DPP6: variants seen among roughly 807,000 people sequenced by gnomAD.
DPP6 encodes dipeptidyl peptidase like 6.
DPP6 carries 69 observed loss-of-function variants against 122.6 expected under a neutral mutation model. The ratio of observed to expected loss-of-function variants is 0.56; its 90% CI spans 0.46 to 0.69. The LOEUF is 0.69. DPP6 is among the 30% of genes least tolerant of loss of function. The pLI is 0.00. For missense variants in DPP6, 928 were observed against 1,116.9 expected, an observed-to-expected ratio of 0.83 and a Z score of 2.41; for synonymous variants, 418 against 433.1, an observed-to-expected ratio of 0.97 and a Z score of 0.43.
At chr7:153,929,945 A>T (rs927966734) in intron 1 of DPP6, among the ~76,000 whole-genome samples, 10 of 152,246 alleles carry the variant, frequency 6.6e-5, no homozygotes, top group Non-Finnish European at 1.5e-5. Context: ...AGAGCACAGC[A>T]TGATGCAGAT....
At chr7:153,968,343 C>T (rs1224798491) in intron 1 of DPP6, among the ~76,000 whole-genome samples, 1 of 151,996 alleles carries the variant, frequency 6.6e-6, no homozygotes, top group Non-Finnish European at 1.5e-5. Flanking sequence ...TTGTTGGCTG[C>T]TTGTATGTCT....
intron 1 of DPP6, among the ~76,000 whole-genome samples, chr7:154,284,864 C>A (rs992641380): frequency 6.6e-6 from 1 of 152,030 alleles, no homozygotes; most frequent in African/African-American, 2.4e-5. Flanking sequence ...CAAAACAAAA[C>A]AAAACAAAAC....
intron 1 of DPP6, among the ~76,000 whole-genome samples, chr7:154,392,415 A>G (rs1294578336): frequency 6.6e-6 from 1 of 152,214 alleles, no homozygotes. Context: ...CACTTTAAGA[A>G]GAAGTACATG....
intron 7 of DPP6, among the ~76,000 whole-genome samples, chr7:154,725,757 T>C (rs1168385953): frequency 6.6e-6 from 1 of 152,212 alleles, no homozygotes; most frequent in Non-Finnish European, 1.5e-5. Flanking sequence ...CATTCCAGCA[T>C]TAACCCAAAA....
At chr7:154,221,855 T>C (rs1215444697) in intron 1 of DPP6, among the ~76,000 whole-genome samples, 2 of 152,158 alleles carry the variant, frequency 1.3e-5, no homozygotes, top group African/African-American at 4.8e-5. Flanking sequence ...AGTTGTATGA[T>C]AGCACCCCCA....
chr7:154,715,791 ATC>A (rs1841452070), intron 7 of DPP6, among the ~76,000 whole-genome samples: 1 of 152,178 alleles, frequency 6.6e-6, no homozygotes, highest in African/African-American at 2.4e-5. Context: ...TGAACCTGCC[ATC>A]TCTGTCTCCT....
At chr7:154,131,153 G>A (rs1314677105) in intron 1 of DPP6, among the ~76,000 whole-genome samples, 7 of 152,090 alleles carry the variant, frequency 4.6e-5, no homozygotes, top group Admixed American at 3.3e-4. Flanking sequence ...CATTAAGTAG[G>A]GGAAAGATGA....
the DPP6 span, among the ~76,000 whole-genome samples, chr7:153,767,949 C>T: frequency 6.6e-6 from 1 of 152,056 alleles, no homozygotes; most frequent in Non-Finnish European, 1.5e-5. Flanking sequence ...AAAATTGAGA[C>T]AAGCATGAGG....
intron 1 of DPP6, among the ~76,000 whole-genome samples, chr7:153,915,527 C>T (rs755353210): frequency 4.6e-5 from 7 of 152,074 alleles, no homozygotes; most frequent in African/African-American, 9.7e-5. Context: ...TTTCTAACAC[C>T]GAAGTGAAAT....
At chr7:154,699,811 G>T (rs1179350374) in intron 7 of DPP6, among the ~76,000 whole-genome samples, 1 of 152,162 alleles carries the variant, frequency 6.6e-6, no homozygotes, top group East Asian at 1.9e-4. Flanking sequence ...CTTGGGTCAG[G>T]GCTGGCTTCT....
At chr7:154,650,522 C>T (rs1482490861) in intron 6 of DPP6, among the ~76,000 whole-genome samples, 2 of 152,260 alleles carry the variant, frequency 1.3e-5, no homozygotes, top group East Asian at 3.9e-4. Flanking sequence ...AGAAGATAAG[C>T]CATGGTGTTT....
chr7:153,776,178 C>T, the DPP6 span, among the ~76,000 whole-genome samples: 1 of 152,104 alleles, frequency 6.6e-6, no homozygotes, highest in Non-Finnish European at 1.5e-5. Flanking sequence ...TTTATAACCA[C>T]AGCAATCAAC....
the DPP6 span, among the ~76,000 whole-genome samples, chr7:153,776,243 A>G: frequency 2.0e-5 from 3 of 152,272 alleles, no homozygotes; most frequent in Non-Finnish European, 2.9e-5. Context: ...CCACACCCAA[A>G]TCTCATCTTG....
At chr7:154,797,285 T>C (rs574046230) in intron 12 of DPP6, among the ~76,000 whole-genome samples, 1 of 152,328 alleles carries the variant, frequency 6.6e-6, no homozygotes, top group East Asian at 1.9e-4. Context: ...GTCAGAATTT[T>C]ATTCCTTCTT....
chr7:154,724,915 T>A (rs1486412900), intron 7 of DPP6, among the ~76,000 whole-genome samples: 1 of 152,214 alleles, frequency 6.6e-6, no homozygotes, highest in Non-Finnish European at 1.5e-5. Context: ...ATGGTTAAAA[T>A]GGCAAATTGT....
chr7:154,119,611 G>C (rs1807285913), intron 1 of DPP6, among the ~76,000 whole-genome samples: 1 of 138,826 alleles, frequency 7.2e-6, no homozygotes, highest in African/African-American at 2.5e-5. Context: ...TGGGTCTCCA[G>C]ACTTGGTTCA....
intron 1 of DPP6, among the ~76,000 whole-genome samples, chr7:154,417,611 C>T (rs1817136150): frequency 6.6e-6 from 1 of 152,166 alleles, no homozygotes; most frequent in African/African-American, 2.4e-5. Flanking sequence ...TTACTCCCTG[C>T]CTTGGGCAGT....
chr7:154,534,917 A>G (rs973977820), intron 3 of DPP6, among the ~76,000 whole-genome samples: 4 of 152,148 alleles, frequency 2.6e-5, no homozygotes, highest in Non-Finnish European at 5.9e-5. Flanking sequence ...CACAATTTTG[A>G]AAAAGTAAAA....
chr7:153,989,605 A>AG (rs1387128152), intron 1 of DPP6, among the ~76,000 whole-genome samples: 65 of 151,966 alleles, frequency 4.3e-4, no homozygotes, highest in African/African-American at 1.1e-3. Flanking sequence ...AGGGAGGAAA[A>AG]GGGGGGTGCT....
Sources: gnomAD v4.1 joint callset for allele counts (sites outside exome capture counted in the v4.1 genomes callset) on GRCh38, gnomAD v4.1.1 for gene constraint, MANE v1.5 for transcripts, NCBI Gene and HGNC (gene_info 2026-07-23, HGNC 2026-07-21) for gene names.